The following DAAM1 variants were observed in gnomAD, a reference collection of about 807,000 sequenced individuals.
DAAM1 encodes the protein dishevelled associated activator of morphogenesis 1, also known as disheveled-associated activator of morphogenesis 1.
Under a neutral mutation model 130.0 loss-of-function variants are expected in DAAM1, and 52 were observed. The observed-to-expected ratio is 0.40, with a 90% CI of 0.32 to 0.50. DAAM1 has a LOEUF of 0.50. DAAM1 is among the 20% of genes least tolerant of loss of function. The pLI is 0.61. For synonymous variants in DAAM1, 452 were observed against 444.5 expected, an observed-to-expected ratio of 1.02 and a Z score of -0.21; for missense variants, 1,134 against 1,303.8, an observed-to-expected ratio of 0.87 and a Z score of 2.01.
At chr14:59,366,205 T>C (rs142594099) in intron 23 of DAAM1, among the ~76,000 whole-genome samples, 3,320 of 152,136 alleles carry the variant, frequency 0.022, 40 homozygotes, top group Non-Finnish European at 0.031. Context: ...CAATGTAACA[T>C]TGCAATACCC....
intron 17 of DAAM1, among the ~76,000 whole-genome samples, 164 bp from the exon 18 acceptor site, chr14:59,352,362 G>T (rs1437467516): frequency 6.6e-6 from 1 of 152,202 alleles, no homozygotes; most frequent in Non-Finnish European, 1.5e-5. Context: ...AAGTAAAAAT[G>T]AAAAGATTTA....
At chr14:59,368,042 TTTTCTG>T (rs562629798) in intron 24 of DAAM1, among the ~76,000 whole-genome samples, 11 of 152,150 alleles carry the variant, frequency 7.2e-5, no homozygotes, top group African/African-American at 2.6e-4. Context: ...CATGAAATCT[TTTTCTG>T]TTTTGTTTTT....
intron 1 of DAAM1, among the ~76,000 whole-genome samples, chr14:59,207,162 C>T: frequency 6.6e-6 from 1 of 152,284 alleles, no homozygotes; most frequent in East Asian, 1.9e-4. Flanking sequence ...TATCCACAAT[C>T]AGAAATGCTG....
At chr14:59,302,466 C>A (rs538828936) in intron 3 of DAAM1, among the ~76,000 whole-genome samples, 4 of 152,082 alleles carry the variant, frequency 2.6e-5, no homozygotes, top group Admixed American at 2.6e-4. Context: ...AGAAGCAACT[C>A]CCTCAGCATT....
At chr14:59,257,570 A>C (rs571898889) in intron 1 of DAAM1, among the ~76,000 whole-genome samples, 5 of 152,170 alleles carry the variant, frequency 3.3e-5, no homozygotes, top group Admixed American at 1.3e-4. Context: ...GAAAAGTGCA[A>C]CCATTGCCGA....
rs544081716 is a variant in DAAM1 at position 59,292,448 on chromosome 14, A to G, written c.273+1142A>G. Among the ~76,000 whole-genome samples the G allele has an allele frequency of 5.9e-5, 9 of 152,216 alleles. No homozygotes were observed. In the South Asian group the frequency reaches 1.9e-3, roughly 32 times the overall value. On this transcript the variant is annotated intron_variant, in intron 3 of 24. Transcript: ENST00000360909. The stretch of plus-strand genomic sequence containing the variant: ...TGCCACTCTCCTGGGAGCATCTTAC[A>G]TTACTCAATAAAGGGACTCTCTCTA...
intron 1 of DAAM1, among the ~76,000 whole-genome samples, chr14:59,205,683 C>T (rs572657289): frequency 6.6e-6 from 1 of 152,276 alleles, no homozygotes; most frequent in African/African-American, 2.4e-5. Flanking sequence ...TATTTAAAAT[C>T]TTTACCTTGG....
chr14:59,354,367 TTTTTA>T (rs1411288986), intron 19 of DAAM1, among the ~76,000 whole-genome samples: 2 of 152,066 alleles, frequency 1.3e-5, no homozygotes, highest in Non-Finnish European at 2.9e-5. Flanking sequence ...GCCTGGTGAT[TTTTTA>T]TTTTATTTTT....
chr14:59,225,046 T>TTTTTTTTTTTTG (rs1888898229), intron 1 of DAAM1, among the ~76,000 whole-genome samples: 1 of 133,650 alleles, frequency 7.5e-6, no homozygotes, highest in African/African-American at 2.7e-5. Flanking sequence ...TTTTTTTTTT[T>TTTTTTTTTTTTG]GAGACGGAGT....
intron 4 of DAAM1, among the ~76,000 whole-genome samples, chr14:59,318,494 T>C (rs1220588475): frequency 4.0e-5 from 6 of 150,482 alleles, no homozygotes; most frequent in Non-Finnish European, 7.4e-5. Context: ...ATACTAGATA[T>C]TTGGCATAGT....
chr14:59,363,795 C>A lies in DAAM1; in HGVS notation c.2826+13C>A. 1 of 1,612,912 alleles carries A rather than the reference C, an allele frequency of 6.2e-7. No individual in the cohort carries two copies. The highest frequency in any genetic ancestry group is 1.1e-5 in the South Asian group (1 of 91,044). ...AGCTAAAGACCTGGTAAGTTTCCCC[C>A]TTGTGCACTGAGTGTTGTTTGACCG... On this transcript the variant is annotated intron_variant, in intron 23 of 24. Coordinates refer to ENST00000360909, the MANE Select transcript of DAAM1 (RefSeq NM_001270520.2).
intron 3 of DAAM1, among the ~76,000 whole-genome samples, chr14:59,304,196 T>C (rs931384079): frequency 1.3e-5 from 2 of 152,168 alleles, no homozygotes; most frequent in Non-Finnish European, 2.9e-5. Flanking sequence ...AAGACATCAA[T>C]ATGGAAAGAA....
At chr14:59,299,874 A>T (rs369843254) in intron 3 of DAAM1, 1 of 152,162 alleles carries the variant, frequency 6.6e-6, no homozygotes, top group Non-Finnish European at 1.5e-5. Flanking sequence ...CCTGCACTGC[A>T]CTTTTTTTCC....
At chr14:59,222,388 C>G (rs910373470) in intron 1 of DAAM1, among the ~76,000 whole-genome samples, 22 of 152,186 alleles carry the variant, frequency 1.4e-4, no homozygotes, top group Non-Finnish European at 2.8e-4. Flanking sequence ...CTGTGCCTTC[C>G]TTGATGGAAG....
At chr14:59,368,246 A>G (rs1322124565) in intron 24 of DAAM1, among the ~76,000 whole-genome samples, 1 of 152,166 alleles carries the variant, frequency 6.6e-6, no homozygotes, top group Non-Finnish European at 1.5e-5. Context: ...AGGCTTCCAC[A>G]GTAGACACAA....
At chr14:59,278,612 G>A (rs767259284) in intron 2 of DAAM1, among the ~76,000 whole-genome samples, 7 of 152,108 alleles carry the variant, frequency 4.6e-5, no homozygotes, top group Non-Finnish European at 1.0e-4. Flanking sequence ...GTATTAGGGG[G>A]AAAAACAAAC....
chr14:59,201,160 C>CAAAAA (rs71111617), intron 1 of DAAM1, among the ~76,000 whole-genome samples: 3 of 68,858 alleles, frequency 4.4e-5, no homozygotes, highest in Non-Finnish European at 7.8e-5. Context: ...GACTCCGTCT[C>CAAAAA]AAAAAAAAAA....
chr14:59,255,116 G>A (rs931605560), intron 1 of DAAM1, among the ~76,000 whole-genome samples: 2 of 152,202 alleles, frequency 1.3e-5, no homozygotes, highest in Non-Finnish European at 2.9e-5. Flanking sequence ...GTTTCCCTGT[G>A]CATAGATGCT....
At chr14:59,253,041 C>T (rs1300581351) in intron 1 of DAAM1, among the ~76,000 whole-genome samples, 2 of 152,076 alleles carry the variant, frequency 1.3e-5, no homozygotes, top group African/African-American at 4.8e-5. Context: ...CGTGTACAGC[C>T]CCCTGGGTTT....
Sources: allele counts gnomAD v4.1 joint callset (sites outside exome capture counted in the v4.1 genomes callset), GRCh38; gene constraint gnomAD v4.1.1; transcripts MANE v1.5; gene names NCBI Gene and HGNC (gene_info 2026-07-23, HGNC 2026-07-21).